Variants in ZNF471 observed in about 807,000 individuals in gnomAD.
The protein encoded by ZNF471 is EZFIT-related protein 1.
Under a neutral mutation model 13.7 loss-of-function variants are expected in ZNF471, and 7 were observed. The ratio of observed to expected loss-of-function variants is 0.51; its 90% CI spans 0.29 to 0.96. ZNF471 has a LOEUF of 0.96. Ranked by LOEUF, ZNF471 falls within the 40% of genes least tolerant of loss-of-function variation. The pLI is 0.08. For synonymous variants in ZNF471, 218 were observed against 235.6 expected (o/e 0.93, Z 0.68); for missense variants, 663 against 743.3 (o/e 0.89, Z 1.26).
rs761852850 is a variant in ZNF471 at position 56,524,484 on chromosome 19, G to A, written c.417G>A (p.Glu139=). ...TTGAGAAGCAGATGGGAAGTCATGA[G>A]ATGTTTAGCAAGAAAGAAATAATCA... ...DLFEKQMGSH[E]MFSKKEIITH... is the part of the protein sequence containing the mutation. Residue 139 remains glutamate, a synonymous_variant, in exon 5 of 5, where the codon GAG becomes GAA. Coordinates refer to ENST00000308031, the MANE Select transcript of ZNF471 (RefSeq NM_020813.4). This position sits in a 1 kb window ranked among gnomAD's most constrained non-coding sequence, Gnocchi z 4.8. 7.4e-6 allele frequency: 12 copies of A among 1,611,556 alleles called. No individual in the cohort carries two copies. Among genetic ancestry groups the A allele is most frequent in the Non-Finnish European group, 1.0e-5 (12 of 1,179,404 alleles).
At chr19:56,512,431 T>C (rs2043824659) in intron 2 of ZNF471, among the ~76,000 whole-genome samples, 1 of 151,966 alleles carries the variant, frequency 6.6e-6, no homozygotes, top group African/African-American at 2.4e-5. Context: ...TGAAATTACA[T>C]TAACTTTTTA....
intron 4 of ZNF471, among the ~76,000 whole-genome samples, chr19:56,523,812 G>C (rs1262394458): frequency 6.6e-6 from 1 of 152,012 alleles, no homozygotes; most frequent in Non-Finnish European, 1.5e-5. Context: ...TGAGGTTTTT[G>C]TTTTTGTTTT....
rs200784127 is a variant in ZNF471, at chr19:56,525,442, T to C, written c.1375T>C (p.Tyr459His). 6.2e-7 allele frequency: 1 copy of C among 1,614,162 alleles called. No individual in the cohort carries two copies. Among genetic ancestry groups the C allele is most frequent in the East Asian group, 2.2e-5 (1 of 44,880 alleles). The stretch of plus-strand genomic sequence containing the variant: ...AAGAGTACATTCTGGAGAGAAACCG[T>C]ATGAATGCAAGGAATGTGGGAAAGC... ...HQRVHSGEKP[Y>H]ECKECGKAFR... The change falls in exon 5 of 5, where the codon TAT becomes CAT. Residue 459 changes from tyrosine (Y) to histidine (H), a missense_variant. Tyr to His is a moderately conservative substitution (Grantham distance 83). Transcript: ENST00000308031.
rs1247568390 is a variant in ZNF471, at chr19:56,530,159, GACTA to G, written c.*4214_*4217del. 1 of 152,164 alleles carries G rather than the reference GACTA, an allele frequency of 6.6e-6. No individual in the cohort carries two copies. Among genetic ancestry groups the G allele is most frequent in the Non-Finnish European group, 1.5e-5 (1 of 68,028 alleles). 9.4% of individuals were successfully genotyped at this position (152,164 alleles called of 1,614,324 possible). Reference sequence around the variant, plus strand: ...TTTATGAACTGAGATGTAACTTCATGACTAACATGATGACATCGTTATTAACTAC... The same window carrying G: ...TTTATGAACTGAGATGTAACTTCATGACATGATGACATCGTTATTAACTAC... On this transcript the variant is annotated 3_prime_UTR_variant, in exon 5 of 5. Coordinates refer to ENST00000308031, the MANE Select transcript of ZNF471 (RefSeq NM_020813.4).
At position 56,527,593 on chromosome 19, in the gene ZNF471, A is replaced by T. The variant is rs200249468; in HGVS notation, c.*1645A>T. The stretch of plus-strand genomic sequence containing the variant: ...AAGAACCTTGAAAAAAGGTTAGAGG[A>T]ATTGCTAACTAGAATAACCAGTTTA... On this transcript the variant is annotated 3_prime_UTR_variant, in exon 5 of 5. Transcript: ENST00000308031. 2.2e-4 allele frequency: 34 copies of T among 152,360 alleles called. 1 individual carries two copies. Among genetic ancestry groups the T allele is most frequent in the Admixed American group, 1.2e-3 (18 of 15,314 alleles). 9.4% of individuals were successfully genotyped at this position (152,360 alleles called of 1,614,324 possible). A position where few individuals can be genotyped will look rare whatever the true frequency, so the allele number is the denominator to read the frequency against.
rs566789737 is a variant in ZNF471, at chr19:56,529,798, C to T, written c.*3850C>T. Reference sequence around the variant, plus strand: ...TGTGAATGTGAAGTTTGGATAATATCCAGTATTGTCGCAGGTGTGAGAAAC... The same window carrying T: ...TGTGAATGTGAAGTTTGGATAATATTCAGTATTGTCGCAGGTGTGAGAAAC... On this transcript the variant is annotated 3_prime_UTR_variant, in exon 5 of 5. Transcript: ENST00000308031. The T allele has an allele frequency of 9.2e-5, 14 of 152,264 alleles. No homozygotes were observed. Among genetic ancestry groups the T allele is most frequent in the Admixed American group, 5.9e-4 (9 of 15,294 alleles). 9.4% of individuals were successfully genotyped at this position (152,264 alleles called of 1,614,324 possible).
chr19:56,508,005 G>C lies in ZNF471; in HGVS notation c.-56+85G>C, dbSNP rs1880705300. On this transcript the variant is annotated intron_variant, in intron 1 of 4. Coordinates refer to ENST00000308031, the MANE Select transcript of ZNF471 (RefSeq NM_020813.4). This position sits in a 1 kb window ranked among gnomAD's most constrained non-coding sequence, Gnocchi z 4.7. ...GGCGGGCGGCTCCGACGCGGGTCGC[G>C]AAGGCCCAGCCGCGTCCTCTGTCCC... The C allele has an allele frequency of 2.0e-6, 2 of 985,740 alleles. No homozygotes were observed. Among genetic ancestry groups the C allele is most frequent in the South Asian group, 4.7e-5 (1 of 21,338 alleles). The allele number at this position is 985,740 out of a possible 1,614,324, so 61.1% of individuals were successfully genotyped here. A position where few individuals can be genotyped will look rare whatever the true frequency, so the allele number is the denominator to read the frequency against.
At position 56,525,284 on chromosome 19, in the gene ZNF471, G is replaced by T. The variant is rs3752176; in HGVS notation, c.1217G>T (p.Gly406Val). The part of the protein sequence containing the change: ...IHTGEKPYKC[G>V]VCGKTFSSGS... The stretch of plus-strand genomic sequence containing the variant: ...ACAGGAGAGAAACCTTACAAATGTG[G>T]TGTGTGTGGAAAAACCTTCAGCTCG... The change falls in exon 5 of 5, where the codon GGT becomes GTT. Residue 406 changes from glycine to valine, a missense_variant. Gly to Val is a moderately radical substitution (Grantham distance 109). Transcript: ENST00000308031. The T allele has an allele frequency of 6.2e-7, 1 of 1,613,602 alleles. No individual in the cohort carries two copies. Among genetic ancestry groups the T allele is most frequent in the Non-Finnish European group, 8.5e-7 (1 of 1,179,864 alleles).
rs3219817 is a variant in ZNF471 at position 56,508,229 on chromosome 19, CTGTGTGTGTG to C, written c.-56+324_-56+333del. 2.1e-5 allele frequency: 17 copies of C among 805,150 alleles called. No individual in the cohort carries two copies. The African/African-American group carries it at 2.6e-4, about 12-fold the overall frequency. 49.9% of individuals were successfully genotyped at this position (805,150 alleles called of 1,614,324 possible). A position where few individuals can be genotyped will look rare whatever the true frequency, so the allele number is the denominator to read the frequency against. On this transcript the variant is annotated intron_variant, in intron 1 of 4. Transcript: ENST00000308031. This position sits in a 1 kb window ranked among gnomAD's most constrained non-coding sequence, Gnocchi z 4.7. ...GAGGCTCCGTGAGAGGGTGTGGTTT[CTGTGTGTGTG>C]TGTGTGTGTGTGTGACAGACCGAGA...
chr19:56,528,137 A>C lies in ZNF471; in HGVS notation c.*2189A>C, dbSNP rs561617901. 2 of 152,342 alleles carry C rather than the reference A, an allele frequency of 1.3e-5. No individual in the cohort carries two copies. Among genetic ancestry groups the C allele is most frequent in the Non-Finnish European group, 2.9e-5 (2 of 68,032 alleles). The allele number at this position is 152,342 out of a possible 1,614,324, so 9.4% of individuals were successfully genotyped here. ...AAAGTCCTCACATTCAATGGGTTGC[A>C]TACCCATGAATTCTAAAACTTCATC... On this transcript the variant is annotated 3_prime_UTR_variant, in exon 5 of 5. Coordinates refer to ENST00000308031, the MANE Select transcript of ZNF471 (RefSeq NM_020813.4).
Position 56,522,524 on chromosome 19 carries a change from T to C in ZNF471, c.257-1800T>C, listed in dbSNP as rs2043987462. On this transcript the variant is annotated intron_variant, in intron 4 of 4. Transcript: ENST00000308031. The surrounding 1 kb of genome is among the most constrained non-coding windows in gnomAD (Gnocchi z 4.1). ...GCTTAGTGCATAATGTATAATTGCTTAGGAAATATTGGATTAGTCGATGAT... is the reference window on the plus strand; with the variant it reads ...GCTTAGTGCATAATGTATAATTGCTCAGGAAATATTGGATTAGTCGATGAT... Among the ~76,000 whole-genome samples the C allele has an allele frequency of 6.6e-6, 1 of 152,226 alleles. No individual in the cohort carries two copies. Among genetic ancestry groups the C allele is most frequent in the African/African-American group, 2.4e-5 (1 of 41,462 alleles).
chr19:56,511,394 A>G, intron 1 of ZNF471, 123 bp from the exon 2 acceptor site: 1 of 673,596 alleles, frequency 1.5e-6, no homozygotes, highest in Non-Finnish European at 2.4e-6. Context: ...CAGTGGCCAT[A>G]GGTTGCTCAT....
intron 2 of ZNF471, among the ~76,000 whole-genome samples, chr19:56,512,910 T>C (rs1301459356): frequency 6.6e-6 from 1 of 152,172 alleles, no homozygotes; most frequent in African/African-American, 2.4e-5. Context: ...CTTTTTTTTC[T>C]TGTGCTGTCA....
In ZNF471 at chr19:56,516,427, A is replaced by G. The variant is rs376552136; in HGVS notation, c.160+26A>G. On this transcript the variant is annotated intron_variant, in intron 3 of 4. Transcript: ENST00000308031. The surrounding 1 kb of genome is among the most constrained non-coding windows in gnomAD (Gnocchi z 4.4). ...GTGAGGATCTTTTCCCTCCTGCATA[A>G]TCTACCTTTAAGGAACTTTTTTGTC... 3.5e-5 allele frequency: 56 copies of G among 1,589,182 alleles called. No homozygotes were observed. In the African/African-American group the frequency reaches 6.9e-4, roughly 20 times the overall value.
intron 2 of ZNF471, among the ~76,000 whole-genome samples, chr19:56,513,485 CTT>C (rs2043837343): frequency 6.8e-6 from 1 of 147,570 alleles, no homozygotes. Flanking sequence ...TTATATGTCA[CTT>C]ATGCTTTAAT....
At position 56,525,548 on chromosome 19, in the gene ZNF471, A is replaced by G. The variant is rs8108270; in HGVS notation, c.1481A>G (p.Lys494Arg). 3 of 1,613,998 alleles carry G rather than the reference A, an allele frequency of 1.9e-6. No homozygotes were observed. Among genetic ancestry groups the G allele is most frequent in the African/African-American group, 2.7e-5 (2 of 74,908 alleles). The change falls in exon 5 of 5, where the codon AAA (lysine) becomes AGA (arginine). Residue 494 changes from lysine (K) to arginine (R), a missense_variant. Physicochemically the swap from Lys to Arg is conservative, Grantham distance 26. Transcript: ENST00000308031. ...CCCTATGAATGTAAAGAATGTGGAA[A>G]AGCTTTTAGAATCAGTTCACAGCTG... Reference protein sequence around the residue: ...EKPYECKECGKAFRISSQLAT... With the variant: ...EKPYECKECGRAFRISSQLAT...
chr19:56,524,292 G>A lies in ZNF471; in HGVS notation c.257-32G>A. Reference sequence around the variant, plus strand: ...CTCCTTTGTTGTAGCCCATGATAAAGGGAACATTCACTTTTTTTTAATATC... The same window carrying A: ...CTCCTTTGTTGTAGCCCATGATAAAAGGAACATTCACTTTTTTTTAATATC... On this transcript the variant is annotated intron_variant, in intron 4 of 4. Coordinates refer to ENST00000308031, the MANE Select transcript of ZNF471 (RefSeq NM_020813.4). The surrounding 1 kb of genome is among the most constrained non-coding windows in gnomAD (Gnocchi z 4.8). 1.4e-6 allele frequency: 2 copies of A among 1,416,306 alleles called. No homozygotes were observed. The highest frequency in any genetic ancestry group is 1.9e-6 in the Non-Finnish European group (2 of 1,053,978). The allele number at this position is 1,416,306 out of a possible 1,614,324, so 87.7% of individuals were successfully genotyped here. A position where few individuals can be genotyped will look rare whatever the true frequency, so the allele number is the denominator to read the frequency against.
At chr19:56,521,646 A>AC (rs1304012757) in intron 4 of ZNF471, among the ~76,000 whole-genome samples, 4 of 143,530 alleles carry the variant, frequency 2.8e-5, no homozygotes, top group Non-Finnish European at 6.2e-5. Flanking sequence ...CTCAAAAAAA[A>AC]AAAAAAAAAA....
Position 56,507,899 on chromosome 19 carries a change from T to A in ZNF471, c.-77T>A. On this transcript the variant is annotated 5_prime_UTR_variant, in exon 1 of 5. Coordinates refer to ENST00000308031, the MANE Select transcript of ZNF471 (RefSeq NM_020813.4). ...ACGGAGTCCTTCGGATGAGAGCGTC[T>A]GGGTGCCAGACGAGGCCGGGGGTTT... 2 of 985,566 alleles carry A rather than the reference T, an allele frequency of 2.0e-6. No individual in the cohort carries two copies. The highest frequency in any genetic ancestry group is 2.4e-6 in the Non-Finnish European group (2 of 830,028). 61.1% of individuals were successfully genotyped at this position (985,566 alleles called of 1,614,324 possible).
Sources: allele counts gnomAD v4.1 joint callset (sites outside exome capture counted in the v4.1 genomes callset), GRCh38; gene constraint gnomAD v4.1.1; non-coding constraint Gnocchi (gnomAD v3.1); transcripts MANE v1.5; gene names NCBI Gene and HGNC (gene_info 2026-07-23, HGNC 2026-07-21).